Variants in IL15 observed in about 807,000 individuals in gnomAD.
IL15 encodes interleukin-15.
A neutral mutation model predicts 19.6 loss-of-function variants in IL15; 11 were observed. The observed-to-expected ratio is 0.56, with a 90% confidence interval of 0.35 to 0.93. The LOEUF (loss-of-function observed/expected upper bound fraction) is 0.93, where lower values mean the gene tolerates loss of function less well. Ranked by LOEUF, IL15 falls within the 40% of genes least tolerant of loss-of-function variation. The pLI is 0.01. For missense variants in IL15, 197 were observed against 186.5 expected, an observed-to-expected ratio of 1.06 and a Z score of -0.33; for synonymous variants, 58 against 59.6, an observed-to-expected ratio of 0.97 and a Z score of 0.12.
intron 2 of IL15, among the ~76,000 whole-genome samples, chr4:141,683,553 AGAG>A (rs1728609744): frequency 6.6e-6 from 1 of 151,310 alleles, no homozygotes; most frequent in East Asian, 1.9e-4. Flanking sequence ...CCTGGGTGAC[AGAG>A]TGAGATTCCG....
intron 2 of IL15, among the ~76,000 whole-genome samples, chr4:141,680,212 A>G (rs930987300): frequency 1.2e-4 from 19 of 152,290 alleles, no homozygotes; most frequent in East Asian, 3.9e-4. Context: ...TACCGATTCC[A>G]TGTGCTTTGG....
chr4:141,705,499 C>T (rs533114717), intron 2 of IL15, among the ~76,000 whole-genome samples: 2 of 152,080 alleles, frequency 1.3e-5, no homozygotes, highest in South Asian at 4.1e-4. Context: ...TGTGGCCTAA[C>T]ATGTGATCTA....
chr4:141,662,687 A>G (rs1043942606), intron 2 of IL15, among the ~76,000 whole-genome samples: 1 of 151,990 alleles, frequency 6.6e-6, no homozygotes, highest in Non-Finnish European at 1.5e-5. Flanking sequence ...TTACCGATGT[A>G]TTTGTGTTTG....
At chr4:141,670,729 A>G (rs1348234009) in intron 2 of IL15, among the ~76,000 whole-genome samples, 1 of 152,236 alleles carries the variant, frequency 6.6e-6, no homozygotes, top group Non-Finnish European at 1.5e-5. Context: ...TTACTTTCAT[A>G]TATGTAAATG....
intron 2 of IL15, among the ~76,000 whole-genome samples, chr4:141,677,394 A>T (rs1046891442): frequency 2.0e-5 from 3 of 152,204 alleles, no homozygotes; most frequent in Non-Finnish European, 4.4e-5. Flanking sequence ...AGAATACAGT[A>T]CCTACTACAT....
chr4:141,679,550 CTTTT>C (rs768683274), intron 2 of IL15, among the ~76,000 whole-genome samples: 15 of 152,014 alleles, frequency 9.9e-5, no homozygotes, highest in Non-Finnish European at 1.9e-4. Flanking sequence ...TATTCTCTTT[CTTTT>C]ATTTAACCAG....
chr4:141,651,666 T>C (rs1414302901), intron 1 of IL15, among the ~76,000 whole-genome samples: 1 of 152,136 alleles, frequency 6.6e-6, no homozygotes, highest in Non-Finnish European at 1.5e-5. Flanking sequence ...TGAATAGAGA[T>C]AATTTTCTAT....
At chr4:141,691,127 C>T (rs550116855) in intron 2 of IL15, among the ~76,000 whole-genome samples, 1 of 9,382 alleles carries the variant, frequency 1.1e-4, no homozygotes, top group South Asian at 4.4e-3. Flanking sequence ...GCACCTTCTT[C>T]ACAAAGTGGC....
At chr4:141,654,150 AG>A (rs1215920290) in intron 1 of IL15, among the ~76,000 whole-genome samples, 1 of 152,186 alleles carries the variant, frequency 6.6e-6, no homozygotes, top group Non-Finnish European at 1.5e-5. Flanking sequence ...AGATCAAAAC[AG>A]GGTGGGCAGA....
At chr4:141,687,150 T>G (rs929728040) in intron 2 of IL15, among the ~76,000 whole-genome samples, 1 of 152,190 alleles carries the variant, frequency 6.6e-6, no homozygotes, top group African/African-American at 2.4e-5. Context: ...TGGCATGGTC[T>G]CAGACAGGCC....
chr4:141,726,247 A>G (rs928343673), intron 5 of IL15, among the ~76,000 whole-genome samples: 1 of 152,166 alleles, frequency 6.6e-6, no homozygotes, highest in Non-Finnish European at 1.5e-5. Flanking sequence ...AGAAAAAAAT[A>G]AATAAAAGGC....
intron 1 of IL15, among the ~76,000 whole-genome samples, chr4:141,644,327 A>G (rs1378414011): frequency 6.6e-6 from 1 of 152,114 alleles, no homozygotes; most frequent in Non-Finnish European, 1.5e-5. Context: ...AGTGACTTGA[A>G]TAACAATAAT....
chr4:141,690,599 C>A (rs796709373), intron 2 of IL15, among the ~76,000 whole-genome samples: 2 of 152,166 alleles, frequency 1.3e-5, no homozygotes, highest in Non-Finnish European at 2.9e-5. Context: ...GGTTCTTATG[C>A]GGACTACTAC....
chr4:141,651,414 A>G (rs1727402142), intron 1 of IL15, among the ~76,000 whole-genome samples: 1 of 152,088 alleles, frequency 6.6e-6, no homozygotes, highest in Non-Finnish European at 1.5e-5. Context: ...AATAATAGTC[A>G]TTGGAGAATC....
Position 141,733,885 on chromosome 4 carries a change from A to G in IL15, c.*1037A>G, listed in dbSNP as rs1730536594. 6.6e-6 allele frequency: 1 copy of G among 152,224 alleles called. No individual in the cohort carries two copies. The highest frequency in any genetic ancestry group is 1.9e-4 in the East Asian group (1 of 5,204). 9.4% of individuals were successfully genotyped at this position (152,224 alleles called of 1,614,324 possible). A position where few individuals can be genotyped will look rare whatever the true frequency, so the allele number is the denominator to read the frequency against. Reference sequence around the variant, plus strand: ...GTTATCTGACAGAAAATAATTGTTTATATTTTTTGCACTACACTGTCTAAA... The same window carrying G: ...GTTATCTGACAGAAAATAATTGTTTGTATTTTTTGCACTACACTGTCTAAA... On this transcript the variant is annotated 3_prime_UTR_variant, in exon 8 of 8. Transcript: ENST00000320650.
intron 2 of IL15, among the ~76,000 whole-genome samples, chr4:141,665,390 T>A (rs1327561818): frequency 6.6e-6 from 1 of 152,084 alleles, no homozygotes; most frequent in Non-Finnish European, 1.5e-5. Context: ...ATCATGACAG[T>A]GTATTTTATT....
At chr4:141,654,105 T>A (rs1727504389) in intron 1 of IL15, among the ~76,000 whole-genome samples, 1 of 152,208 alleles carries the variant, frequency 6.6e-6, no homozygotes, top group African/African-American at 2.4e-5. Flanking sequence ...TACTGGGGCA[T>A]GTTCTAAGGA....
chr4:141,641,611 T>C (rs1387444069), intron 1 of IL15, among the ~76,000 whole-genome samples: 1 of 146,810 alleles, frequency 6.8e-6, no homozygotes, highest in East Asian at 2.0e-4. Flanking sequence ...AAACACCGCA[T>C]GTTCTCACTC....
intron 2 of IL15, among the ~76,000 whole-genome samples, chr4:141,661,125 AGT>A (rs765473795): frequency 7.2e-5 from 11 of 152,354 alleles, no homozygotes; most frequent in Non-Finnish European, 1.5e-4. Context: ...AGAGACAGTG[AGT>A]AACCATAAAA....
Sources: allele counts gnomAD v4.1 joint callset (sites outside exome capture counted in the v4.1 genomes callset), GRCh38; gene constraint gnomAD v4.1.1; transcripts MANE v1.5; gene names NCBI Gene and HGNC (gene_info 2026-07-23, HGNC 2026-07-21).